AXDND1: variants seen among roughly 807,000 people sequenced by gnomAD.
AXDND1 encodes axonemal dynein light chain domain-containing protein 1.
A neutral mutation model predicts 137.5 loss-of-function variants in AXDND1; 110 were observed. That is an observed-to-expected ratio of 0.80 (90% CI 0.69 to 0.94). The LOEUF (loss-of-function observed/expected upper bound fraction) is 0.94. Ranked by LOEUF, AXDND1 falls within the 40% of genes least tolerant of loss-of-function variation. The pLI is 0.00. For synonymous variants in AXDND1, 414 were observed against 399.7 expected (o/e 1.04, Z -0.43); for missense variants, 1,191 against 1,169.8 (o/e 1.02, Z -0.26).
intron 16 of AXDND1, among the ~76,000 whole-genome samples, chr1:179,467,493 A>C (rs1289741865): frequency 2.0e-5 from 3 of 152,228 alleles, no homozygotes; most frequent in Non-Finnish European, 4.4e-5. Flanking sequence ...TTATATAAGT[A>C]ATCTAGAGAT....
At chr1:179,531,721 C>T (rs1400771897) in intron 23 of AXDND1, among the ~76,000 whole-genome samples, 1 of 152,138 alleles carries the variant, frequency 6.6e-6, no homozygotes, top group East Asian at 1.9e-4. Flanking sequence ...GGAGTGGGAT[C>T]TTCCCTGAGG....
In AXDND1 at chr1:179,516,033, G is replaced by A. The variant is rs532919453; in HGVS notation, c.2496+6630G>A. Among the ~76,000 whole-genome samples the A allele has an allele frequency of 1.2e-4, 19 of 152,294 alleles. No homozygotes were observed. In the South Asian group the frequency reaches 3.9e-3, roughly 32 times the overall value. Reference sequence around the variant, plus strand: ...AAAGGTTATATCATATAGCCAAGGTGTGTGTGGTGGGCTATACCCTCCATT... The same window carrying A: ...AAAGGTTATATCATATAGCCAAGGTATGTGTGGTGGGCTATACCCTCCATT... On this transcript the variant is annotated intron_variant, in intron 21 of 25. Transcript: ENST00000367618.
At chr1:179,523,567 C>T (rs1289648360) in intron 21 of AXDND1, among the ~76,000 whole-genome samples, 1 of 152,172 alleles carries the variant, frequency 6.6e-6, no homozygotes, top group Non-Finnish European at 1.5e-5. Flanking sequence ...CCTGGAAACA[C>T]CACACGGTTT....
chr1:179,373,050 A>G (rs1038394445), intron 4 of AXDND1, among the ~76,000 whole-genome samples: 3 of 152,184 alleles, frequency 2.0e-5, no homozygotes, highest in Non-Finnish European at 2.9e-5. Context: ...CTAAAAATCA[A>G]TAACACAATC....
chr1:179,384,821 A>C (rs377355981), intron 8 of AXDND1, among the ~76,000 whole-genome samples: 1 of 151,074 alleles, frequency 6.6e-6, no homozygotes, highest in East Asian at 1.9e-4. Flanking sequence ...GCTGGAGTAC[A>C]CTGTGATTAT....
At chr1:179,524,635 T>A (rs1242892386) in intron 21 of AXDND1, among the ~76,000 whole-genome samples, 1 of 152,214 alleles carries the variant, frequency 6.6e-6, no homozygotes, top group Non-Finnish European at 1.5e-5. Context: ...ACATTTTCTC[T>A]AACCATCCCG....
intron 11 of AXDND1, among the ~76,000 whole-genome samples, chr1:179,402,164 C>CAAA (rs552031518): frequency 7.4e-5 from 8 of 107,602 alleles, no homozygotes; most frequent in South Asian, 3.2e-4. Flanking sequence ...GACTCCGTCT[C>CAAA]AAAAAAAAAA....
chr1:179,386,525 A>G (rs1409822638), intron 9 of AXDND1, among the ~76,000 whole-genome samples: 1 of 151,220 alleles, frequency 6.6e-6, no homozygotes, highest in African/African-American at 2.4e-5. Flanking sequence ...CTGTCCCTCC[A>G]CCTCTTTTGA....
intron 18 of AXDND1, among the ~76,000 whole-genome samples, chr1:179,490,504 C>T (rs560847106): frequency 6.6e-6 from 1 of 152,146 alleles, no homozygotes; most frequent in Non-Finnish European, 1.5e-5. Flanking sequence ...AAAAGAAATA[C>T]CTCACAGTTA....
intron 25 of AXDND1, chr1:179,546,212 G>A (rs1176402436): frequency 6.6e-6 from 1 of 151,854 alleles, no homozygotes; most frequent in Non-Finnish European, 1.5e-5. Context: ...TTAAAGTGAA[G>A]GAAGGACGCC....
intron 7 of AXDND1, 100 bp downstream of exon 7, chr1:179,382,856 A>T (rs1648601076): frequency 1.1e-6 from 1 of 906,080 alleles, no homozygotes; most frequent in African/African-American, 1.7e-5. Context: ...AAATTATAGC[A>T]GCAACCCAAG....
intron 17 of AXDND1, among the ~76,000 whole-genome samples, chr1:179,477,849 G>A (rs1388731204): frequency 6.6e-6 from 1 of 152,084 alleles, no homozygotes; most frequent in African/African-American, 2.4e-5. Flanking sequence ...AAAATCAAAA[G>A]CAAGTTAGTT....
chr1:179,379,038 C>T (rs1249460518), intron 5 of AXDND1, among the ~76,000 whole-genome samples: 1 of 152,068 alleles, frequency 6.6e-6, no homozygotes, highest in Non-Finnish European at 1.5e-5. Flanking sequence ...TTGTTTTTCC[C>T]TTAGAAATCC....
At chr1:179,518,612 G>C (rs1369397436) in intron 21 of AXDND1, among the ~76,000 whole-genome samples, 2 of 151,996 alleles carry the variant, frequency 1.3e-5, no homozygotes, top group Admixed American at 1.3e-4. Context: ...TCATCATTTA[G>C]GTCCCACTTA....
rs750697024 is a variant in AXDND1, at chr1:179,534,746, G to C, written c.2815G>C (p.Ala939Pro). Residue 939 changes from alanine (A) to proline (P), a missense_variant, in exon 25 of 26, where the codon GCC becomes CCC. Ala to Pro is a conservative substitution (Grantham distance 27). Transcript: ENST00000367618. ...CCATATCAGGGAGGTTGAAAATAGA[G>C]CCAGACAGGCAGAGGAGAAGTTTGA... ...QEKLLEVENRARQAEEKFEDA... is the reference protein window; with the variant it reads ...QEKLLEVENRPRQAEEKFEDA... 6 of 1,582,978 alleles carry C rather than the reference G, an allele frequency of 3.8e-6. No homozygotes were observed.
chr1:179,383,463 A>T lies in AXDND1; in HGVS notation c.660A>T (p.Glu220Asp), dbSNP rs771825762. 1 of 1,613,902 alleles carries T rather than the reference A, an allele frequency of 6.2e-7. No homozygotes were observed. Among genetic ancestry groups the T allele is most frequent in the South Asian group, 1.1e-5 (1 of 91,060 alleles). Residue 220 changes from glutamate to aspartate, a missense_variant, in exon 8 of 26, where the codon GAA becomes GAT. Transcript: ENST00000367618. ...TTAGGAAACCTAATAAAAGAGTAGA[A>T]GTGGCCCAGCTGAATGATGTGATGG... is the stretch of plus-strand genomic sequence containing the variant. The part of the protein sequence containing the change: ...FPSMKPNKRV[E>D]VAQLNDVMDT...
chr1:179,533,788 C>G lies in AXDND1; in HGVS notation c.2716-7C>G. ...AGTTCATTCATATCTCATATTTCCT[C>G]TGTCAGAGAGAGTCAGCTAAGCAAG... On this transcript the variant is annotated splice_region_variant and splice_polypyrimidine_tract_variant and intron_variant, in intron 23 of 25. Coordinates refer to ENST00000367618, the MANE Select transcript of AXDND1 (RefSeq NM_144696.6). The G allele has an allele frequency of 6.2e-7, 1 of 1,602,380 alleles. No homozygotes were observed.
chr1:179,411,207 A>C lies in AXDND1; in HGVS notation c.1171A>C (p.Lys391Gln). The change falls in exon 12 of 26, where the codon AAA becomes CAA. Residue 391 changes from lysine to glutamine, a missense_variant. By Grantham distance (53) the Lys-to-Gln change is moderately conservative. Transcript: ENST00000367618. The stretch of plus-strand genomic sequence containing the variant: ...AAGAGAAAGGATGGAGAATGATATG[A>C]AAAAGTTAGTGGCAGAAAGAGATAT... ...LQRERMENDM[K>Q]KLVAERDIWS... 2 of 1,612,628 alleles carry C rather than the reference A, an allele frequency of 1.2e-6. No individual in the cohort carries two copies. The highest frequency in any genetic ancestry group is 1.7e-6 in the Non-Finnish European group (2 of 1,179,462).
chr1:179,444,924 CATT>C, intron 15 of AXDND1, 43 bp from the exon 16 acceptor site: 1 of 1,362,752 alleles, frequency 7.3e-7, no homozygotes, highest in Non-Finnish European at 1.0e-6. Context: ...TTGATAAACT[CATT>C]AGTGGATAAT....
Sources: gnomAD v4.1 joint callset for allele counts (sites outside exome capture counted in the v4.1 genomes callset) on GRCh38, gnomAD v4.1.1 for gene constraint, MANE v1.5 for transcripts, NCBI Gene and HGNC (gene_info 2026-07-23, HGNC 2026-07-21) for gene names.